Variants in GRAMD2A observed in about 807,000 individuals in gnomAD.
The protein encoded by GRAMD2A is GRAM domain-containing protein 2A.
In GRAMD2A, 37 loss-of-function variants were observed where a neutral mutation model predicts 51.1. That is an observed-to-expected ratio of 0.72 (90% CI 0.56 to 0.95). The LOEUF (loss-of-function observed/expected upper bound fraction) is 0.95. GRAMD2A is among the 40% of genes least tolerant of loss of function. The pLI, the probability that GRAMD2A is intolerant of heterozygous loss-of-function variation, is 0.00. For synonymous variants in GRAMD2A, 136 were observed against 157.1 expected, an observed-to-expected ratio of 0.87 and a Z score of 1.01; for missense variants, 414 against 426.9, an observed-to-expected ratio of 0.97 and a Z score of 0.27.
chr15:72,162,138 C>G (rs773245542), intron 11 of GRAMD2A, 126 bp from the exon 12 acceptor site: 2 of 1,371,968 alleles, frequency 1.5e-6, no homozygotes, highest in Non-Finnish European at 2.1e-6. Context: ...GTACCCTGCA[C>G]GCTGCCCAAC....
At position 72,163,296 on chromosome 15, in the gene GRAMD2A, TC is replaced by T; in HGVS notation, c.925del (p.Asp309IlefsTer11). 1 of 1,614,056 alleles carries T rather than the reference TC, an allele frequency of 6.2e-7. No homozygotes were observed. Among genetic ancestry groups the T allele is most frequent in the Non-Finnish European group, 8.5e-7 (1 of 1,179,946 alleles). The stretch of plus-strand genomic sequence containing the variant: ...AAAGAAGACCTTGAGGAGCCGGTAA[TC>T]CCAGAGCCTCAGCTCCCCAGTGCTC... Reference protein sequence around the residue: ...PRSTGELRLWDYRLLKVFFVL... With the variant: ...PRSTGELRLWXYRLLKVFFVL... On this transcript the variant is annotated frameshift_variant, in exon 10 of 12. Transcript: ENST00000309731. LOFTEE classifies it high-confidence loss of function.
intron 1 of GRAMD2A, among the ~76,000 whole-genome samples, chr15:72,183,877 G>A (rs1402632085): frequency 1.3e-5 from 2 of 152,168 alleles, no homozygotes; most frequent in Non-Finnish European, 2.9e-5. Flanking sequence ...CAGTAGTGGG[G>A]TCTGCTCCTC....
intron 1 of GRAMD2A, among the ~76,000 whole-genome samples, chr15:72,183,595 C>G (rs1228333683): frequency 6.6e-6 from 1 of 151,774 alleles, no homozygotes; most frequent in African/African-American, 2.4e-5. Context: ...TTTGGGAGGC[C>G]GAGGCAGGTG....
At chr15:72,186,224 A>T (rs1262824620) in intron 1 of GRAMD2A, among the ~76,000 whole-genome samples, 1 of 152,160 alleles carries the variant, frequency 6.6e-6, no homozygotes, top group African/African-American at 2.4e-5. Context: ...ATAGTCATTC[A>T]TTATTCCCCA....
chr15:72,165,386 C>T lies in GRAMD2A; in HGVS notation c.568G>A (p.Val190Ile). 6.2e-7 allele frequency: 1 copy of T among 1,614,096 alleles called. No homozygotes were observed. The highest frequency in any genetic ancestry group is 8.5e-7 in the Non-Finnish European group (1 of 1,180,010). ...LQPSSKKSLS[V>I]REFSGEPESL... ...TCAGGTTCCCCTGAAAATTCTCTTA[C>T]ACTCAGACTCTTCTTGCTGGAAGGC... Residue 190 changes from valine (V) to isoleucine (I), a missense_variant, in exon 8 of 12, where the codon GTA becomes ATA. Val to Ile is a conservative substitution (Grantham distance 29). Coordinates refer to ENST00000309731, the MANE Select transcript of GRAMD2A (RefSeq NM_001012642.3).
intron 8 of GRAMD2A, among the ~76,000 whole-genome samples, chr15:72,165,121 A>G (rs12441028): frequency 0.012 from 1,900 of 152,348 alleles, 58 homozygotes; most frequent in Admixed American, 0.056. Context: ...CATGGGCAAC[A>G]TAGCAAGACT....
intron 1 of GRAMD2A, among the ~76,000 whole-genome samples, chr15:72,181,717 A>G (rs1156933392): frequency 1.3e-5 from 2 of 152,250 alleles, no homozygotes; most frequent in Non-Finnish European, 2.9e-5. Context: ...CTGAGACTAA[A>G]TGAGGTAAAA....
chr15:72,177,161 C>G (rs1195449832), intron 1 of GRAMD2A, among the ~76,000 whole-genome samples: 1 of 148,162 alleles, frequency 6.7e-6, no homozygotes, highest in Non-Finnish European at 1.5e-5. Flanking sequence ...TGTGCTCAGC[C>G]TGCAGTCCTT....
At chr15:72,196,302 G>A (rs546881243) in intron 1 of GRAMD2A, among the ~76,000 whole-genome samples, 2 of 152,138 alleles carry the variant, frequency 1.3e-5, no homozygotes, top group South Asian at 2.1e-4. Flanking sequence ...GATCACCTGA[G>A]GTCAGGAGTT....
At chr15:72,169,417 A>T in intron 2 of GRAMD2A, 2 of 498,034 alleles carry the variant, frequency 4.0e-6, no homozygotes, top group Admixed American at 4.7e-5. Context: ...TCAGACTCAC[A>T]GCGCCGGGGC....
intron 1 of GRAMD2A, among the ~76,000 whole-genome samples, chr15:72,183,755 G>A (rs749839033): frequency 1.2e-4 from 19 of 152,256 alleles, no homozygotes; most frequent in Non-Finnish European, 2.4e-4. Flanking sequence ...TCAAAAGATG[G>A]AGGAGAACGC....
At chr15:72,195,755 A>C (rs1266023624) in intron 1 of GRAMD2A, among the ~76,000 whole-genome samples, 1 of 152,152 alleles carries the variant, frequency 6.6e-6, no homozygotes, top group African/African-American at 2.4e-5. Context: ...CCCCGTCTCT[A>C]CTAAAAAATA....
chr15:72,194,258 G>C (rs2081789520), intron 1 of GRAMD2A, among the ~76,000 whole-genome samples: 1 of 152,238 alleles, frequency 6.6e-6, no homozygotes, highest in African/African-American at 2.4e-5. Context: ...GCTCACACCA[G>C]ATGTCAGAGT....
In GRAMD2A at chr15:72,165,759, T is replaced by G. The variant is rs142323513; in HGVS notation, c.544-349A>C. Among the ~76,000 whole-genome samples the G allele has an allele frequency of 7.8e-4, 119 of 152,342 alleles. 2 individuals are homozygous for G. The East Asian group carries it at 0.016, about 20-fold the overall frequency. On this transcript the variant is annotated intron_variant, in intron 7 of 11. Transcript: ENST00000309731. ...GAGACGGTCCCTGACCTACGATGGT[T>G]CCACTTAAGATTTTTCAACTTTATG...
rs914757207 is a variant in GRAMD2A at position 72,166,700 on chromosome 15, T to C, written c.475A>G (p.Ile159Val). ...TCCCGGGAGAGCAGTGACACAAAGA[T>C]ATACTGGGACATGGAAAGAAAACAG... The part of the protein sequence containing the change: ...AITTNTSQKY[I>V]FVSLLSRDSV... Residue 159 changes from isoleucine to valine, a missense_variant, in exon 7 of 12, where the codon ATC becomes GTC. Transcript: ENST00000309731. The surrounding 1 kb of genome is among the most constrained non-coding windows in gnomAD (Gnocchi z 4.1). The C allele has an allele frequency of 6.2e-7, 1 of 1,612,748 alleles. No homozygotes were observed. The highest frequency in any genetic ancestry group is 8.5e-7 in the Non-Finnish European group (1 of 1,179,374).
At chr15:72,176,877 T>C (rs1006669662) in intron 1 of GRAMD2A, among the ~76,000 whole-genome samples, 1 of 149,006 alleles carries the variant, frequency 6.7e-6, no homozygotes, top group Non-Finnish European at 1.5e-5. Context: ...TTTTTTTTTT[T>C]TTAAGAGATG....
chr15:72,191,607 T>G (rs550002445), intron 1 of GRAMD2A, among the ~76,000 whole-genome samples: 4 of 152,228 alleles, frequency 2.6e-5, no homozygotes, highest in African/African-American at 7.2e-5. Context: ...TGGGTCTGCA[T>G]GAAATAATCA....
In GRAMD2A at chr15:72,169,942, A is replaced by G. The variant is rs1018608084; in HGVS notation, c.42-3T>C. On this transcript the variant is annotated splice_region_variant and splice_polypyrimidine_tract_variant and intron_variant, in intron 1 of 11. Coordinates refer to ENST00000309731, the MANE Select transcript of GRAMD2A (RefSeq NM_001012642.3). ...TCTTTCTGTGCATTTGTTGGTTGCT[A>G]GGGAAAAACAGGCCCATATCAGGAA... 1 of 1,610,136 alleles carries G rather than the reference A, an allele frequency of 6.2e-7. No homozygotes were observed. The highest frequency in any genetic ancestry group is 1.7e-5 in the Admixed American group (1 of 60,024).
chr15:72,178,036 C>T (rs1269662645), intron 1 of GRAMD2A, among the ~76,000 whole-genome samples: 1 of 152,194 alleles, frequency 6.6e-6, no homozygotes, highest in African/African-American at 2.4e-5. Context: ...CCGGCTTTAG[C>T]TTTTAAAGGC....
Sources: gnomAD v4.1 joint callset for allele counts (sites outside exome capture counted in the v4.1 genomes callset) on GRCh38, gnomAD v4.1.1 for gene constraint, Gnocchi (gnomAD v3.1) non-coding constraint, MANE v1.5 for transcripts, NCBI Gene and HGNC (gene_info 2026-07-23, HGNC 2026-07-21) for gene names.